FAF1: variants seen among roughly 807,000 people sequenced by gnomAD.
FAF1 encodes the protein FAS-associated factor 1.
Under a neutral mutation model 92.5 loss-of-function variants are expected in FAF1, and 25 were observed. The ratio of observed to expected loss-of-function variants is 0.27; its 90% confidence interval spans 0.20 to 0.38. The LOEUF is 0.38. Ranked by LOEUF, FAF1 falls within the 10% of genes least tolerant of loss-of-function variation. The pLI is 1.00. For synonymous variants in FAF1, 234 were observed against 273.2 expected (o/e 0.86, Z 1.42); for missense variants, 636 against 793.3 (o/e 0.80, Z 2.38).
rs140342328 is a variant in FAF1, at chr1:50,629,599, A to C, written c.744+25843T>G. Among the ~76,000 whole-genome samples, 667 of 152,326 alleles carry C rather than the reference A, an allele frequency of 4.4e-3. 8 individuals carry two copies. The highest frequency in any genetic ancestry group is 0.014 in the African/African-American group (602 of 41,576). On this transcript the variant is annotated intron_variant, in intron 8 of 18. Coordinates refer to ENST00000396153, the MANE Select transcript of FAF1 (RefSeq NM_007051.3). ...GAGAAATAATTTATGGTATAGTAAA[A>C]AGAGGTAGCCTTTAGTCAAACACGG...
chr1:50,492,900 T>C (rs1444625570), intron 15 of FAF1, among the ~76,000 whole-genome samples: 1 of 152,222 alleles, frequency 6.6e-6, no homozygotes, highest in African/African-American at 2.4e-5. Context: ...CATTGCTTCC[T>C]AATCTTTCAA....
chr1:50,907,506 G>A (rs1644849630), intron 1 of FAF1, among the ~76,000 whole-genome samples: 1 of 152,118 alleles, frequency 6.6e-6, no homozygotes, highest in African/African-American at 2.4e-5. Flanking sequence ...AATCCATCTG[G>A]TCCTGGACTT....
At chr1:50,621,545 G>A (rs1653209993) in intron 8 of FAF1, among the ~76,000 whole-genome samples, 1 of 151,548 alleles carries the variant, frequency 6.6e-6, no homozygotes, top group Non-Finnish European at 1.5e-5. Context: ...GACTACAGGG[G>A]CGCACCACCA....
At chr1:50,808,903 TA>T (rs1662313985) in intron 2 of FAF1, among the ~76,000 whole-genome samples, 1 of 152,174 alleles carries the variant, frequency 6.6e-6, no homozygotes, top group Non-Finnish European at 1.5e-5. Context: ...GGGCATTACA[TA>T]ATGCTGAAGG....
chr1:50,932,127 G>A (rs1645053417), intron 1 of FAF1, among the ~76,000 whole-genome samples: 1 of 151,976 alleles, frequency 6.6e-6, no homozygotes, highest in Non-Finnish European at 1.5e-5. Context: ...TTTGGATGGG[G>A]ACACAGCCAA....
At chr1:50,792,987 T>C (rs1448178966) in intron 3 of FAF1, among the ~76,000 whole-genome samples, 1 of 152,168 alleles carries the variant, frequency 6.6e-6, no homozygotes, top group Non-Finnish European at 1.5e-5. Flanking sequence ...TTTTTGTTTG[T>C]TTTTGTTTGT....
At chr1:50,891,095 T>C (rs1456337058) in intron 1 of FAF1, among the ~76,000 whole-genome samples, 2 of 152,210 alleles carry the variant, frequency 1.3e-5, no homozygotes, top group Admixed American at 6.5e-5. Flanking sequence ...CCCTTCTTGC[T>C]TAATTTCATT....
At chr1:50,755,172 TCCCTTCGACCTACGAG>T (rs1660026584) in intron 4 of FAF1, among the ~76,000 whole-genome samples, 3 of 152,072 alleles carry the variant, frequency 2.0e-5, no homozygotes, top group South Asian at 4.1e-4. Flanking sequence ...ACAAGGCAAG[TCCCTTCGACCTACGAG>T]CCTGTAAAAT....
At chr1:50,679,750 T>C (rs1656340323) in intron 7 of FAF1, among the ~76,000 whole-genome samples, 1 of 152,250 alleles carries the variant, frequency 6.6e-6, no homozygotes, top group Admixed American at 6.5e-5. Flanking sequence ...TATTGGTAAC[T>C]GCTATTTATT....
intron 1 of FAF1, among the ~76,000 whole-genome samples, chr1:50,936,144 G>A (rs1645083173): frequency 6.6e-6 from 1 of 152,168 alleles, no homozygotes; most frequent in Non-Finnish European, 1.5e-5. Context: ...TTAATATTCA[G>A]TGAGAACGTA....
At chr1:50,719,601 G>A (rs1218819898) in intron 6 of FAF1, among the ~76,000 whole-genome samples, 1 of 152,058 alleles carries the variant, frequency 6.6e-6, no homozygotes, top group Admixed American at 6.6e-5. Flanking sequence ...ATCAAAATGT[G>A]GTAATTAGTG....
intron 1 of FAF1, among the ~76,000 whole-genome samples, chr1:50,917,958 A>T (rs1644932905): frequency 6.6e-6 from 1 of 152,152 alleles, no homozygotes. Flanking sequence ...AGGCAAACGT[A>T]ATCTACAATA....
At chr1:50,642,733 T>C (rs1654398342) in intron 8 of FAF1, among the ~76,000 whole-genome samples, 1 of 121,518 alleles carries the variant, frequency 8.2e-6, no homozygotes, top group South Asian at 2.3e-4. Context: ...AATCTTTTCC[T>C]TTTAATGTAA....
intron 18 of FAF1, among the ~76,000 whole-genome samples, chr1:50,447,594 A>G (rs1646244751): frequency 6.6e-6 from 1 of 152,124 alleles, no homozygotes; most frequent in South Asian, 2.1e-4. Flanking sequence ...AGTTGAAGGG[A>G]CCCTGAATAG....
At position 50,840,754 on chromosome 1, in the gene FAF1, T is replaced by A. The variant is rs1644249201; in HGVS notation, c.114+17175A>T. Among the ~76,000 whole-genome samples the A allele has an allele frequency of 2.6e-5, 4 of 152,018 alleles. No homozygotes were observed. In the South Asian group the frequency reaches 8.3e-4, roughly 31 times the overall value. On this transcript the variant is annotated intron_variant, in intron 2 of 18. Transcript: ENST00000396153. ...TCAAATTTGACTAAGCAATTTCACT[T>A]TTAGGAATTTATCCCAAGAAAATTG...
chr1:50,496,668 G>A (rs1039321582), intron 15 of FAF1, among the ~76,000 whole-genome samples: 2 of 152,146 alleles, frequency 1.3e-5, no homozygotes, highest in Non-Finnish European at 1.5e-5. Context: ...AAGGCAGGTG[G>A]ATCACCTGAA....
intron 1 of FAF1, among the ~76,000 whole-genome samples, chr1:50,939,725 T>TA (rs1645114798): frequency 6.6e-6 from 1 of 152,216 alleles, no homozygotes; most frequent in Admixed American, 6.5e-5. Context: ...GGAGGGTTTT[T>TA]ATCATGAAAG....
chr1:50,600,131 C>T (rs1486331132), intron 8 of FAF1, among the ~76,000 whole-genome samples: 21 of 152,160 alleles, frequency 1.4e-4, no homozygotes, highest in Non-Finnish European at 1.5e-5. Flanking sequence ...TATTAATTGC[C>T]AATGACAAAA....
In FAF1 at chr1:50,602,129, C is replaced by T. The variant is rs77491013; in HGVS notation, c.745-5913G>A. ...ACTCCTTGCTCTGCATGTGACACAC[C>T]CAGTAACACAAGTGAACGAGATTCA... is the stretch of plus-strand genomic sequence containing the variant. On this transcript the variant is annotated intron_variant, in intron 8 of 18. Coordinates refer to ENST00000396153, the MANE Select transcript of FAF1 (RefSeq NM_007051.3). Among the ~76,000 whole-genome samples the T allele has an allele frequency of 3.9e-3, 599 of 152,258 alleles. 8 individuals are homozygous for T. Among genetic ancestry groups the T allele is most frequent in the African/African-American group, 0.014 (580 of 41,548 alleles).
Sources: allele counts gnomAD v4.1 joint callset (sites outside exome capture counted in the v4.1 genomes callset), GRCh38; gene constraint gnomAD v4.1.1; transcripts MANE v1.5; gene names NCBI Gene and HGNC (gene_info 2026-07-23, HGNC 2026-07-21).